MSRA: variants seen among roughly 807,000 people sequenced by gnomAD.
The protein encoded by MSRA is methionine sulfoxide reductase A.
A neutral mutation model predicts 31.3 loss-of-function variants in MSRA; 54 were observed. That is an observed-to-expected ratio of 1.73 (90% CI 1.39 to 2.17). The LOEUF (loss-of-function observed/expected upper bound fraction) is 2.17, where lower values mean the gene tolerates loss of function less well. Among genes scored for constraint, MSRA ranks in the 30% most tolerant of loss-of-function variants. MSRA has a pLI of 0.00. For synonymous variants in MSRA, 169 were observed against 116.5 expected (o/e 1.45, Z -2.90); for missense variants, 507 against 300.9 (o/e 1.69, Z -5.07).
At chr8:10,072,325 A>G (rs534585643) in intron 1 of MSRA, among the ~76,000 whole-genome samples, 5 of 147,032 alleles carry the variant, frequency 3.4e-5, no homozygotes, top group African/African-American at 2.5e-5. Context: ...TTTTTTGTCT[A>G]TGGATGAATA....
At chr8:10,407,357 G>A (rs964184308) in intron 5 of MSRA, among the ~76,000 whole-genome samples, 10 of 152,216 alleles carry the variant, frequency 6.6e-5, no homozygotes, top group Admixed American at 3.3e-4. Context: ...AAGGGCAGGT[G>A]GAGGGTTGTG....
rs545164617 is a variant in MSRA, at chr8:10,191,452, A to C, written c.143-16381A>C. On this transcript the variant is annotated intron_variant, in intron 1 of 5. Coordinates refer to ENST00000317173, the MANE Select transcript of MSRA (RefSeq NM_012331.5). ...TATGAGGCAGAGGTATAACTTCCCCAAACAAAACAGCAGGAAAAGCAAGTA... is the reference window on the plus strand; with the variant it reads ...TATGAGGCAGAGGTATAACTTCCCCCAACAAAACAGCAGGAAAAGCAAGTA... 3.3e-5 allele frequency among the ~76,000 whole-genome samples: 5 copies of C among 152,356 alleles called. No homozygotes were observed. In the South Asian group the frequency reaches 1.0e-3, roughly 32 times the overall value.
chr8:10,088,182 C>T (rs1050276070), intron 1 of MSRA, among the ~76,000 whole-genome samples: 1 of 152,162 alleles, frequency 6.6e-6, no homozygotes, highest in African/African-American at 2.4e-5. Context: ...AAGACTTCCC[C>T]ATGCTACCAT....
At chr8:10,345,321 A>G (rs1240609081) in intron 5 of MSRA, among the ~76,000 whole-genome samples, 1 of 152,168 alleles carries the variant, frequency 6.6e-6, no homozygotes, top group Admixed American at 6.5e-5. Flanking sequence ...GTTAGATGGG[A>G]ATAGGTTACT....
chr8:10,299,822 G>C (rs1003767703), intron 3 of MSRA, among the ~76,000 whole-genome samples: 1 of 152,172 alleles, frequency 6.6e-6, no homozygotes, highest in Non-Finnish European at 1.5e-5. Flanking sequence ...GCAGTTTGGA[G>C]CTAGGCATCA....
chr8:10,272,692 C>T (rs1006438392), intron 3 of MSRA, among the ~76,000 whole-genome samples: 11 of 152,194 alleles, frequency 7.2e-5, no homozygotes, highest in Non-Finnish European at 1.2e-4. Flanking sequence ...TACCCTCAAA[C>T]GAATTCTACA....
intron 5 of MSRA, among the ~76,000 whole-genome samples, chr8:10,417,593 A>G (rs1344208534): frequency 6.6e-6 from 1 of 152,132 alleles, no homozygotes; most frequent in African/African-American, 2.4e-5. Flanking sequence ...CCCAGCTCAG[A>G]ATAGATGATG....
intron 1 of MSRA, among the ~76,000 whole-genome samples, chr8:10,200,799 G>A (rs1808426878): frequency 6.6e-6 from 1 of 152,162 alleles, no homozygotes; most frequent in Non-Finnish European, 1.5e-5. Flanking sequence ...GAACCTCAGT[G>A]CCCCTGGGCA....
chr8:10,348,727 C>G (rs73536239), intron 5 of MSRA, among the ~76,000 whole-genome samples: 1 of 152,212 alleles, frequency 6.6e-6, no homozygotes, highest in East Asian at 1.9e-4. Context: ...ATATTTATCT[C>G]CTTACTCATT....
chr8:10,176,326 T>G (rs1230407841), intron 1 of MSRA, among the ~76,000 whole-genome samples: 1 of 152,220 alleles, frequency 6.6e-6, no homozygotes, highest in East Asian at 1.9e-4. Flanking sequence ...AGATGCCAGC[T>G]CTGTCTGGGC....
intron 4 of MSRA, among the ~76,000 whole-genome samples, chr8:10,309,497 T>C (rs1801319693): frequency 6.6e-6 from 1 of 152,240 alleles, no homozygotes; most frequent in Non-Finnish European, 1.5e-5. Context: ...CAGCTCATGT[T>C]CTGATTACCC....
At chr8:10,283,836 TACACACACACACACACACAC>T (rs372503609) in intron 3 of MSRA, among the ~76,000 whole-genome samples, 1 of 53,162 alleles carries the variant, frequency 1.9e-5, no homozygotes, top group Non-Finnish European at 3.2e-5. Flanking sequence ...TATATATATA[TACACACACACACACACACAC>T]ACACACACAC....
At chr8:10,064,702 T>C (rs368295819) in intron 1 of MSRA, among the ~76,000 whole-genome samples, 1 of 152,212 alleles carries the variant, frequency 6.6e-6, no homozygotes, top group African/African-American at 2.4e-5. Flanking sequence ...TTTCGTATTT[T>C]ACCTTTGATT....
chr8:10,182,367 C>G (rs994805910), intron 1 of MSRA, among the ~76,000 whole-genome samples: 1 of 152,184 alleles, frequency 6.6e-6, no homozygotes, highest in Non-Finnish European at 1.5e-5. Flanking sequence ...TAAAACAACA[C>G]ACATCTATTC....
At chr8:10,394,166 T>G (rs1450776722) in intron 5 of MSRA, among the ~76,000 whole-genome samples, 1 of 152,234 alleles carries the variant, frequency 6.6e-6, no homozygotes, top group African/African-American at 2.4e-5. Flanking sequence ...GTGATGAGTT[T>G]TTCTCATTGA....
At chr8:10,057,518 TTATTGTAAA>T (rs765201524) in intron 1 of MSRA, among the ~76,000 whole-genome samples, 86 of 152,220 alleles carry the variant, frequency 5.6e-4, no homozygotes, top group Non-Finnish European at 1.0e-3. Context: ...ATTATTGTAA[TTATTGTAAA>T]AGTCCAATAT....
In MSRA at chr8:10,337,645, C is replaced by T. The variant is rs1294810981; in HGVS notation, c.543+17656C>T. The stretch of plus-strand genomic sequence containing the variant: ...TGATATTGGATATTGTCACATTTTC[C>T]TTGATAGTGTCATCCGGTGAATGAT... On this transcript the variant is annotated intron_variant, in intron 5 of 5. Coordinates refer to ENST00000317173, the MANE Select transcript of MSRA (RefSeq NM_012331.5). The T allele has an allele frequency of 4.4e-6, 3 of 686,968 alleles. No individual in the cohort carries two copies. The African/African-American group carries it at 5.3e-5, about 12-fold the overall frequency. The allele number at this position is 686,968 out of a possible 1,614,324, so 42.6% of individuals were successfully genotyped here. A position where few individuals can be genotyped will look rare whatever the true frequency, so the allele number is the denominator to read the frequency against.
intron 1 of MSRA, among the ~76,000 whole-genome samples, chr8:10,153,630 A>G (rs989901049): frequency 1.3e-5 from 2 of 152,194 alleles, no homozygotes; most frequent in Non-Finnish European, 2.9e-5. Context: ...TCATTTCCCA[A>G]AGCGACAGCA....
At chr8:10,248,344 C>A (rs117298097) in intron 3 of MSRA, among the ~76,000 whole-genome samples, 1 of 152,204 alleles carries the variant, frequency 6.6e-6, no homozygotes, top group Non-Finnish European at 1.5e-5. Flanking sequence ...CATGTGGTTT[C>A]TTGGGGCAGA....
Sources: allele counts gnomAD v4.1 joint callset (sites outside exome capture counted in the v4.1 genomes callset), GRCh38; gene constraint gnomAD v4.1.1; transcripts MANE v1.5; gene names NCBI Gene and HGNC (gene_info 2026-07-23, HGNC 2026-07-21).